Variants in SGCD observed in about 807,000 individuals in gnomAD.
SGCD encodes the protein delta-sarcoglycan.
A neutral mutation model predicts 36.6 loss-of-function variants in SGCD; 18 were observed. The observed-to-expected ratio is 0.49, with a 90% CI of 0.34 to 0.73. SGCD has a LOEUF of 0.73. Ranked by LOEUF, SGCD falls within the 30% of genes least tolerant of loss-of-function variation. SGCD has a pLI of 0.01. For missense variants in SGCD, 387 were observed against 346.7 expected, an observed-to-expected ratio of 1.12 and a Z score of -0.92; for synonymous variants, 133 against 130.6, an observed-to-expected ratio of 1.02 and a Z score of -0.12.
intron 1 of SGCD, among the ~76,000 whole-genome samples, chr5:156,078,144 T>A (rs922995035): frequency 1.3e-5 from 2 of 152,094 alleles, no homozygotes; most frequent in Admixed American, 1.3e-4. Flanking sequence ...CTTGGAGCAC[T>A]TTGCTGTACT....
chr5:156,018,240 A>G (rs1759026970), intron 1 of SGCD, among the ~76,000 whole-genome samples: 1 of 152,218 alleles, frequency 6.6e-6, no homozygotes, highest in South Asian at 2.1e-4. Flanking sequence ...GTGATAGTGG[A>G]AAATTCTCAT....
intron 7 of SGCD, among the ~76,000 whole-genome samples, chr5:156,729,017 A>G (rs1378347051): frequency 6.6e-6 from 1 of 152,260 alleles, no homozygotes; most frequent in Non-Finnish European, 1.5e-5. Flanking sequence ...GGAATAGATT[A>G]CAGCCATATG....
chr5:156,483,611 A>T (rs1000030270), intron 3 of SGCD, among the ~76,000 whole-genome samples: 8 of 152,154 alleles, frequency 5.3e-5, no homozygotes, highest in African/African-American at 1.9e-4. Context: ...GTGCATTCGG[A>T]TTATTTCTTT....
At chr5:156,668,732 C>T (rs1335801119) in intron 7 of SGCD, among the ~76,000 whole-genome samples, 1 of 152,134 alleles carries the variant, frequency 6.6e-6, no homozygotes, top group Non-Finnish European at 1.5e-5. Context: ...GTTGAAAGCC[C>T]ATCTCTTCTG....
chr5:155,877,999 A>T (rs1489707421), intron 1 of SGCD, among the ~76,000 whole-genome samples: 2 of 152,076 alleles, frequency 1.3e-5, no homozygotes, highest in Non-Finnish European at 2.9e-5. Context: ...AAAGAACTGT[A>T]TCTCCTATGA....
At chr5:156,225,662 G>A (rs1047889429) in intron 3 of SGCD, among the ~76,000 whole-genome samples, 27 of 152,014 alleles carry the variant, frequency 1.8e-4, no homozygotes, top group Non-Finnish European at 3.7e-4. Context: ...GCAAAAGTAC[G>A]ATTTGATTAT....
chr5:156,453,445 T>A (rs1754114556), intron 3 of SGCD, among the ~76,000 whole-genome samples: 1 of 152,168 alleles, frequency 6.6e-6, no homozygotes, highest in African/African-American at 2.4e-5. Flanking sequence ...GTGTTACATG[T>A]AAACATGAAT....
intron 3 of SGCD, among the ~76,000 whole-genome samples, chr5:156,280,779 A>G (rs1345477758): frequency 2.0e-5 from 3 of 152,232 alleles, no homozygotes; most frequent in Non-Finnish European, 4.4e-5. Context: ...AATAAGAATT[A>G]AGAATAGAAT....
intron 3 of SGCD, among the ~76,000 whole-genome samples, chr5:156,467,822 G>T (rs1379417570): frequency 6.6e-6 from 1 of 152,206 alleles, no homozygotes; most frequent in East Asian, 1.9e-4. Flanking sequence ...ACTATAGGTT[G>T]CTGTTCATAT....
the SGCD span, among the ~76,000 whole-genome samples, chr5:155,824,161 AGAATAAT>A: frequency 6.6e-6 from 1 of 152,228 alleles, no homozygotes; most frequent in African/African-American, 2.4e-5. Context: ...TTCTGTAAAA[AGAATAAT>A]GAATTATGTG....
intron 1 of SGCD, among the ~76,000 whole-genome samples, chr5:156,067,786 G>A (rs1328398860): frequency 5.1e-5 from 7 of 136,412 alleles, no homozygotes; most frequent in South Asian, 2.1e-4. Context: ...GCAATGCCTC[G>A]CTCTGCTTCG....
chr5:155,897,937 C>T (rs557846620), intron 1 of SGCD, among the ~76,000 whole-genome samples: 2 of 152,284 alleles, frequency 1.3e-5, no homozygotes, highest in Non-Finnish European at 2.9e-5. Flanking sequence ...CTGTCTGAAT[C>T]ATGCTGAATT....
At chr5:155,872,907 C>G (rs996144329) in intron 1 of SGCD, among the ~76,000 whole-genome samples, 7 of 152,120 alleles carry the variant, frequency 4.6e-5, no homozygotes, top group African/African-American at 1.4e-4. Context: ...TATAGCAAAA[C>G]TTCGTGTGTT....
At chr5:155,905,477 G>A (rs1756485901) in intron 1 of SGCD, among the ~76,000 whole-genome samples, 1 of 152,142 alleles carries the variant, frequency 6.6e-6, no homozygotes, top group South Asian at 2.1e-4. Flanking sequence ...GACCTGAAAG[G>A]GAATGCCTAC....
chr5:156,703,570 G>A (rs767724156), intron 7 of SGCD, among the ~76,000 whole-genome samples: 78 of 152,114 alleles, frequency 5.1e-4, no homozygotes, highest in Non-Finnish European at 2.1e-4. Flanking sequence ...TTTATCCTTA[G>A]TTACAATTTT....
At chr5:156,032,451 G>C (rs574313301) in intron 1 of SGCD, among the ~76,000 whole-genome samples, 1 of 151,472 alleles carries the variant, frequency 6.6e-6, no homozygotes, top group Non-Finnish European at 1.5e-5. Context: ...GGGCACAGTG[G>C]CTCACACCTG....
intron 1 of SGCD, among the ~76,000 whole-genome samples, chr5:156,078,233 G>A (rs879718414): frequency 4.6e-5 from 7 of 151,716 alleles, no homozygotes; most frequent in Admixed American, 3.3e-4. Flanking sequence ...ATAATACAAC[G>A]CCGGGTGTGG....
chr5:156,335,540 T>C (rs1419640218), intron 2 of SGCD, among the ~76,000 whole-genome samples: 1 of 152,146 alleles, frequency 6.6e-6, no homozygotes, highest in Non-Finnish European at 1.5e-5. Context: ...GCCATCATAG[T>C]GTTCTTGTTT....
At chr5:155,849,843 G>A in the SGCD span, among the ~76,000 whole-genome samples, 1 of 152,300 alleles carries the variant, frequency 6.6e-6, no homozygotes, top group South Asian at 2.1e-4. Context: ...ACAAATGTTA[G>A]TGAAGGTACA....
Sources: gnomAD v4.1 joint callset for allele counts (sites outside exome capture counted in the v4.1 genomes callset) on GRCh38, gnomAD v4.1.1 for gene constraint, MANE v1.5 for transcripts, NCBI Gene and HGNC (gene_info 2026-07-23, HGNC 2026-07-21) for gene names.